Variants in USP54 observed in about 807,000 individuals in gnomAD.
USP54 encodes ubiquitin specific peptidase 54.
USP54 carries 87 observed loss-of-function variants against 170.5 expected under a neutral mutation model. That is an observed-to-expected ratio of 0.51 (90% confidence interval 0.43 to 0.61). The LOEUF (loss-of-function observed/expected upper bound fraction) is 0.61. Among genes scored for constraint, USP54 ranks in the 20% least tolerant of loss-of-function variants. The pLI, the probability that USP54 is intolerant of heterozygous loss-of-function variation, is 0.00. For missense variants in USP54, 1,786 were observed against 2,047.8 expected, an observed-to-expected ratio of 0.87 and a Z score of 2.47; for synonymous variants, 655 against 742.8, an observed-to-expected ratio of 0.88 and a Z score of 1.92.
At chr10:73,573,399 A>G (rs1395932691) in intron 3 of USP54, among the ~76,000 whole-genome samples, 1 of 152,260 alleles carries the variant, frequency 6.6e-6, no homozygotes, top group Non-Finnish European at 1.5e-5. Context: ...AATTAGGGAA[A>G]GCACTTAAAT....
At chr10:73,622,818 G>A (rs2081199545) in intron 1 of USP54, among the ~76,000 whole-genome samples, 1 of 151,930 alleles carries the variant, frequency 6.6e-6, no homozygotes, top group African/African-American at 2.4e-5. Flanking sequence ...CCAAGCACCT[G>A]TAGTCCCAGC....
intron 3 of USP54, among the ~76,000 whole-genome samples, chr10:73,573,358 A>C (rs987704773): frequency 6.6e-6 from 1 of 152,020 alleles, no homozygotes; most frequent in Non-Finnish European, 1.5e-5. Flanking sequence ...AACCTAACCA[A>C]CTCCACCTAA....
chr10:73,545,226 G>A (rs189468821), intron 5 of USP54, among the ~76,000 whole-genome samples: 377 of 152,188 alleles, frequency 2.5e-3, no homozygotes, highest in African/African-American at 8.6e-3. Context: ...CAGATATTCC[G>A]GGACTCCTCT....
intron 1 of USP54, among the ~76,000 whole-genome samples, chr10:73,603,963 A>G (rs1172744637): frequency 1.3e-5 from 2 of 152,068 alleles, no homozygotes; most frequent in Non-Finnish European, 2.9e-5. Flanking sequence ...TATTAAAAAA[A>G]AAGGTGGCCA....
intron 20 of USP54, among the ~76,000 whole-genome samples, chr10:73,512,512 C>CT (rs944514748): frequency 1.8e-4 from 26 of 146,870 alleles, no homozygotes; most frequent in South Asian, 6.5e-4. Flanking sequence ...TTTGATTTTA[C>CT]TTTTTTTTTT....
Position 73,571,480 on chromosome 10 carries a change from A to C in USP54, c.181T>G (p.Phe61Val), listed in dbSNP as rs1329500366. 1 of 1,613,944 alleles carries C rather than the reference A, an allele frequency of 6.2e-7. No homozygotes were observed. Among genetic ancestry groups the C allele is most frequent in the Non-Finnish European group, 8.5e-7 (1 of 1,179,982 alleles). The part of the protein sequence containing the change: ...LWHLDIFRRS[F>V]RQLTTHKCMG... ...CACTTGTGAGTTGTAAGCTGCCTAA[A>C]GCTACGTCGGAAGATATCCAAGTGC... The change falls in exon 4 of 24, where the codon TTT (phenylalanine) becomes GTT (valine). Residue 61 changes from phenylalanine to valine, a missense_variant. Physicochemically the swap from Phe to Val is conservative, Grantham distance 50 (BLOSUM62 -1). Around this residue, in one of 3 missense-constraint regions of USP54, gnomAD observed 361 missense variants for 455.0 expected, o/e 0.79. Coordinates refer to ENST00000687698, the MANE Select transcript of USP54 (RefSeq NM_001391956.1).
intron 19 of USP54, chr10:73,518,656 T>A (rs1205761376): frequency 6.6e-6 from 1 of 151,802 alleles, no homozygotes; most frequent in Non-Finnish European, 1.5e-5. Flanking sequence ...GGAAGCCCAA[T>A]CATACAAGGC....
chr10:73,622,905 T>C (rs1436860553), intron 1 of USP54, among the ~76,000 whole-genome samples: 2 of 150,264 alleles, frequency 1.3e-5, no homozygotes, highest in African/African-American at 4.9e-5. Context: ...ATTACTCCAC[T>C]GCACTCCAGC....
chr10:73,603,302 A>G (rs967350942), intron 1 of USP54, among the ~76,000 whole-genome samples: 2 of 152,220 alleles, frequency 1.3e-5, no homozygotes, highest in African/African-American at 2.4e-5. Flanking sequence ...TAGAAAATAT[A>G]TAATAAAATT....
intron 1 of USP54, among the ~76,000 whole-genome samples, chr10:73,582,120 C>T (rs1266217587): frequency 2.0e-5 from 3 of 152,148 alleles, no homozygotes; most frequent in Admixed American, 2.0e-4. Flanking sequence ...TCGGAAAAAA[C>T]CCAAAGCAGT....
intron 1 of USP54, among the ~76,000 whole-genome samples, chr10:73,583,264 C>T (rs1318256285): frequency 6.6e-6 from 1 of 152,052 alleles, no homozygotes; most frequent in African/African-American, 2.4e-5. Context: ...TGCAAGATGG[C>T]GAAACCCTGT....
rs2062949572 is a variant in USP54, at chr10:73,526,800, G to T, written c.2061-20C>A. The T allele has an allele frequency of 6.2e-7, 1 of 1,612,044 alleles. No homozygotes were observed. Among genetic ancestry groups the T allele is most frequent in the Non-Finnish European group, 8.5e-7 (1 of 1,179,190 alleles). The stretch of plus-strand genomic sequence containing the variant: ...GGATCCCTTCAAAAGAGAACTCAGA[G>T]TCTAGTGAAAGCATGAAAGCAGGTT... On this transcript the variant is annotated intron_variant, in intron 15 of 23. Coordinates refer to ENST00000687698, the MANE Select transcript of USP54 (RefSeq NM_001391956.1).
At chr10:73,583,348 C>T (rs759240282) in intron 1 of USP54, among the ~76,000 whole-genome samples, 6 of 152,094 alleles carry the variant, frequency 3.9e-5, no homozygotes, top group Non-Finnish European at 5.9e-5. Context: ...TAAAATGGCG[C>T]GATCTTGGCT....
In USP54 at chr10:73,499,037, GT is replaced by G; in HGVS notation, c.4646del (p.Asn1549ThrfsTer9). 1 of 1,614,174 alleles carries G rather than the reference GT, an allele frequency of 6.2e-7. No homozygotes were observed. The highest frequency in any genetic ancestry group is 8.5e-7 in the Non-Finnish European group (1 of 1,180,040). ...TCAGGAATCTGGTCCCAATATGCTG[GT>G]TGGTCTCTGACCAGGGTGCCCAGGA... The part of the protein sequence containing the change: ...DNSWAPWSET[N>X]QHIGTRFLTT... On this transcript the variant is annotated frameshift_variant, in exon 24 of 24. Transcript: ENST00000687698. LOFTEE classifies it high-confidence loss of function.
At chr10:73,533,417 A>C (rs1207599582) in intron 12 of USP54, among the ~76,000 whole-genome samples, 5 of 152,184 alleles carry the variant, frequency 3.3e-5, no homozygotes, top group Non-Finnish European at 7.4e-5. Context: ...GCTTCAAAAT[A>C]ATCCAGGAGT....
At chr10:73,537,857 A>T (rs2065579307) in intron 10 of USP54, 1 of 152,116 alleles carries the variant, frequency 6.6e-6, no homozygotes, top group Non-Finnish European at 1.5e-5. Flanking sequence ...TGTGCAGCTC[A>T]CTCACTGCAT....
Position 73,512,832 on chromosome 10 carries a change from G to A in USP54, c.4051+3543C>T, listed in dbSNP as rs1465966740. Among the ~76,000 whole-genome samples, 6 of 152,146 alleles carry A rather than the reference G, an allele frequency of 3.9e-5. No homozygotes were observed. In the East Asian group the frequency reaches 1.2e-3, roughly 29 times the overall value. On this transcript the variant is annotated intron_variant, in intron 20 of 23. Coordinates refer to ENST00000687698, the MANE Select transcript of USP54 (RefSeq NM_001391956.1). Reference sequence around the variant, plus strand: ...AGTATAGTCTTCTTCAAAGCTAACTGGCCAGTATGTATCAATATTTTTTTT... The same window carrying A: ...AGTATAGTCTTCTTCAAAGCTAACTAGCCAGTATGTATCAATATTTTTTTT...
Position 73,505,417 on chromosome 10 carries a change from TCTGCAGAGC to T in USP54, c.4052_4060del (p.Gly1351_Ala1353del). 2 of 1,613,982 alleles carry T rather than the reference TCTGCAGAGC, an allele frequency of 1.2e-6. No homozygotes were observed. The highest frequency in any genetic ancestry group is 2.2e-5 in the South Asian group (2 of 91,054). ...TGAGTGCAACCTCCTCCCCATGCCA[TCTGCAGAGC>T]CTGAAGAGGAAAACACAAATACAAG... On this transcript the variant is annotated inframe_deletion and splice_region_variant, in exon 21 of 24. Transcript: ENST00000687698.
chr10:73,569,902 C>CAAAAAAAA lies in USP54; in HGVS notation c.240+1511_240+1518dup, dbSNP rs34676499. Among the ~76,000 whole-genome samples the CAAAAAAAA allele has an allele frequency of 2.1e-3, 39 of 18,700 alleles. 9 individuals carry two copies. Among genetic ancestry groups the CAAAAAAAA allele is most frequent in the Admixed American group, 5.0e-3 (6 of 1,190 alleles). The allele number at this position is 18,700 out of a possible 152,430, so 12.3% of individuals were successfully genotyped here. A position where few individuals can be genotyped will look rare whatever the true frequency, so the allele number is the denominator to read the frequency against. On this transcript the variant is annotated intron_variant, in intron 4 of 23. Transcript: ENST00000687698. Reference sequence around the variant, plus strand: ...GGGCAACAGAGCAAGATTTCATCTCCAAAAAAAAAAAAAAAAAAAAAAAAA... The same window carrying CAAAAAAAA: ...GGGCAACAGAGCAAGATTTCATCTCCAAAAAAAAAAAAAAAAAAAAAAAAAAAAAAAAA...
Sources: gnomAD v4.1 joint callset for allele counts (sites outside exome capture counted in the v4.1 genomes callset) on GRCh38, gnomAD v4.1.1 for gene constraint, gnomAD v4.1.1 regional missense constraint, MANE v1.5 for transcripts, NCBI Gene and HGNC (gene_info 2026-07-23, HGNC 2026-07-21) for gene names.